The following EBF3 variants were observed in gnomAD, a reference collection of about 807,000 sequenced individuals.
The protein encoded by EBF3 is transcription factor COE3.
Under a neutral mutation model 77.1 loss-of-function variants are expected in EBF3, and 18 were observed. That is an observed-to-expected ratio of 0.23 (90% confidence interval 0.16 to 0.35). The LOEUF is 0.35. EBF3 is among the 10% of genes least tolerant of loss of function. The pLI is 1.00. For missense variants in EBF3, 558 were observed against 860.0 expected (o/e 0.65, Z 4.39); for synonymous variants, 350 against 343.5 (o/e 1.02, Z -0.21).
At chr10:129,955,507 C>T (rs1385370191) in intron 6 of EBF3, among the ~76,000 whole-genome samples, 4 of 152,172 alleles carry the variant, frequency 2.6e-5, no homozygotes, top group African/African-American at 7.2e-5. Context: ...AATCTTAGCA[C>T]ATATTTTAAT....
At chr10:129,901,917 C>T (rs965144148) in intron 6 of EBF3, among the ~76,000 whole-genome samples, 5 of 152,300 alleles carry the variant, frequency 3.3e-5, no homozygotes, top group African/African-American at 9.6e-5. Flanking sequence ...AATCACAATC[C>T]GGCGGAATCC....
rs1331781087 is a variant in EBF3 at position 129,843,219 on chromosome 10, C to G, written c.1129-17G>C. The G allele has an allele frequency of 6.2e-7, 1 of 1,604,578 alleles. No homozygotes were observed. The highest frequency in any genetic ancestry group is 1.3e-5 in the African/African-American group (1 of 74,734). On this transcript the variant is annotated splice_polypyrimidine_tract_variant and intron_variant, in intron 11 of 16. Coordinates refer to ENST00000440978, the MANE Select transcript of EBF3 (RefSeq NM_001375380.1). ...TAACACCTCCTAAAGGAAGAGCAGA[C>G]AGGAGGTGATTCATGGGAGGAACCG...
At chr10:129,838,000 C>T (rs201161321) in intron 16 of EBF3, 40 bp from the exon 17 acceptor site, 1 of 1,613,540 alleles carries the variant, frequency 6.2e-7, no homozygotes, top group East Asian at 2.2e-5. Context: ...GCAGGCTCCC[C>T]CACGCGCCCT....
At chr10:129,918,134 G>A (rs2044989478) in intron 6 of EBF3, among the ~76,000 whole-genome samples, 1 of 152,210 alleles carries the variant, frequency 6.6e-6, no homozygotes, top group African/African-American at 2.4e-5. Flanking sequence ...AAAATTGGGG[G>A]ATGTGGGATT....
chr10:129,851,820 G>A (rs1016747183), intron 10 of EBF3, among the ~76,000 whole-genome samples: 5 of 152,140 alleles, frequency 3.3e-5, no homozygotes, highest in Non-Finnish European at 7.3e-5. Flanking sequence ...TTTATTAACC[G>A]TGCCATAAGA....
At chr10:129,960,966 G>A (rs1859470204) in intron 4 of EBF3, among the ~76,000 whole-genome samples, 2 of 152,204 alleles carry the variant, frequency 1.3e-5, no homozygotes, top group Admixed American at 1.3e-4. Flanking sequence ...TTGTCAGAAA[G>A]ACCTTAGTTT....
rs1348783456 is a variant in EBF3 at position 129,897,296 on chromosome 10, T to C, written c.555-19447A>G. 6.6e-6 allele frequency among the ~76,000 whole-genome samples: 1 copy of C among 151,972 alleles called. No homozygotes were observed. Among genetic ancestry groups the C allele is most frequent in the Non-Finnish European group, 1.5e-5 (1 of 67,980 alleles). The stretch of plus-strand genomic sequence containing the variant: ...ACTTTCCTGCAGGGACCTAGGAGGG[T>C]TGAAAGGAGATGAGGCCCATGGCTG... On this transcript the variant is annotated intron_variant, in intron 6 of 16. Transcript: ENST00000440978. This position sits in a 1 kb window ranked among gnomAD's most constrained non-coding sequence, Gnocchi z 4.6.
At chr10:129,862,114 C>T (rs554533390) in intron 10 of EBF3, among the ~76,000 whole-genome samples, 5 of 152,242 alleles carry the variant, frequency 3.3e-5, no homozygotes, top group Admixed American at 3.3e-4. Context: ...CACAGCGTCG[C>T]CCCTTGACAC....
Position 129,935,857 on chromosome 10 carries a change from G to A in EBF3, c.554+21401C>T, listed in dbSNP as rs1338968902. ...CAGGAGAGGCCAAGACACCAAGAGC[G>A]GCCACGATCAGCCACAGGCAGGCAT... On this transcript the variant is annotated intron_variant, in intron 6 of 16. Transcript: ENST00000440978. The surrounding 1 kb of genome is among the most constrained non-coding windows in gnomAD (Gnocchi z 4.2). Among the ~76,000 whole-genome samples the A allele has an allele frequency of 2.6e-5, 4 of 152,136 alleles. No homozygotes were observed. Among genetic ancestry groups the A allele is most frequent in the Non-Finnish European group, 5.9e-5 (4 of 68,036 alleles).
intron 6 of EBF3, among the ~76,000 whole-genome samples, chr10:129,899,836 T>C (rs1162942229): frequency 6.6e-6 from 1 of 152,196 alleles, no homozygotes; most frequent in Non-Finnish European, 1.5e-5. Context: ...ATTGATGTTT[T>C]AGTCTGAGCT....
At chr10:129,928,541 T>G in intron 6 of EBF3, among the ~76,000 whole-genome samples, 1 of 152,188 alleles carries the variant, frequency 6.6e-6, no homozygotes, top group Admixed American at 6.5e-5. Context: ...CTTCCTAAAC[T>G]TTATTGTGAA....
At chr10:129,878,837 A>AAAAAAAAAAAAAAAAAC (rs1852991635) in intron 6 of EBF3, among the ~76,000 whole-genome samples, 1 of 150,552 alleles carries the variant, frequency 6.6e-6, no homozygotes, top group Non-Finnish European at 1.5e-5. Flanking sequence ...AAAAAAAAAA[A>AAAAAAAAAAAAAAAAAC]AAAAAAAAAT....
rs1859759298 is a variant in EBF3 at position 129,964,242 on chromosome 10, C to G, written c.-474G>C. 1 of 984,862 alleles carries G rather than the reference C, an allele frequency of 1.0e-6. No homozygotes were observed. Among genetic ancestry groups the G allele is most frequent in the South Asian group, 4.7e-5 (1 of 21,286 alleles). The allele number at this position is 984,862 out of a possible 1,614,324, so 61.0% of individuals were successfully genotyped here. ...GAGCGGCGCGCGCAGCGGACGGAGG[C>G]GCACAAAACTCAGCCCTCTCTCCCC... On this transcript the variant is annotated 5_prime_UTR_variant, in exon 1 of 17. Coordinates refer to ENST00000440978, the MANE Select transcript of EBF3 (RefSeq NM_001375380.1). The surrounding 1 kb of genome is among the most constrained non-coding windows in gnomAD (Gnocchi z 4.5).
intron 6 of EBF3, among the ~76,000 whole-genome samples, chr10:129,900,406 G>A (rs1209453404): frequency 1.3e-5 from 2 of 152,146 alleles, no homozygotes; most frequent in Non-Finnish European, 2.9e-5. Flanking sequence ...GTAGGAGGGG[G>A]CTGGAGAGAG....
chr10:129,882,549 G>C (rs776031688), intron 6 of EBF3, among the ~76,000 whole-genome samples: 1 of 152,250 alleles, frequency 6.6e-6, no homozygotes, highest in African/African-American at 2.4e-5. Context: ...GATGGCAAAA[G>C]GTGTTGAGCA....
chr10:129,943,262 A>G lies in EBF3; in HGVS notation c.554+13996T>C, dbSNP rs1186762172. Among the ~76,000 whole-genome samples, 1 of 152,254 alleles carries G rather than the reference A, an allele frequency of 6.6e-6. No homozygotes were observed. Among genetic ancestry groups the G allele is most frequent in the East Asian group, 1.9e-4 (1 of 5,204 alleles). On this transcript the variant is annotated intron_variant, in intron 6 of 16. Coordinates refer to ENST00000440978, the MANE Select transcript of EBF3 (RefSeq NM_001375380.1). The surrounding 1 kb of genome is among the most constrained non-coding windows in gnomAD (Gnocchi z 8.8). The stretch of plus-strand genomic sequence containing the variant: ...GCTCTCCACAAACAAATAAACAGCA[A>G]ATACTTACAGGAGACAGCCTTGTAG...
intron 6 of EBF3, among the ~76,000 whole-genome samples, chr10:129,905,166 T>C (rs903596600): frequency 2.0e-5 from 3 of 152,162 alleles, no homozygotes; most frequent in African/African-American, 7.2e-5. Flanking sequence ...AGGGAAAGTG[T>C]AGCTCTGTCC....
At chr10:129,867,981 A>G in intron 8 of EBF3, 69 bp from the exon 9 acceptor site, 2 of 1,577,704 alleles carry the variant, frequency 1.3e-6, no homozygotes, top group South Asian at 1.1e-5. Context: ...CCGCTCGGCC[A>G]CCGCGCGTCC....
chr10:129,930,887 A>G (rs1488507465), intron 6 of EBF3, among the ~76,000 whole-genome samples: 4 of 148,888 alleles, frequency 2.7e-5, no homozygotes, highest in African/African-American at 7.5e-5. Context: ...TCATATACCT[A>G]TATCTGTCTA....
Sources: gnomAD v4.1 joint callset for allele counts (sites outside exome capture counted in the v4.1 genomes callset) on GRCh38, gnomAD v4.1.1 for gene constraint, Gnocchi (gnomAD v3.1) non-coding constraint, MANE v1.5 for transcripts, NCBI Gene and HGNC (gene_info 2026-07-23, HGNC 2026-07-21) for gene names.